Variants in MCF2 observed in about 807,000 individuals in gnomAD.
MCF2 encodes the protein MCF.2 cell line derived transforming sequence, also known as proto-oncogene DBL.
In MCF2, 44 loss-of-function variants were observed where a neutral mutation model predicts 82.5. The ratio of observed to expected loss-of-function variants is 0.53; its 90% CI spans 0.42 to 0.69. The LOEUF (loss-of-function observed/expected upper bound fraction) is 0.69, where lower values mean the gene tolerates loss of function less well. MCF2 is among the 30% of genes least tolerant of loss of function. The pLI, the probability that MCF2 is intolerant of heterozygous loss-of-function variation, is 0.00. For missense variants in MCF2, 623 were observed against 663.1 expected (o/e 0.94, Z 0.66); for synonymous variants, 217 against 224.9 (o/e 0.96, Z 0.32).
intron 1 of MCF2, among the ~76,000 whole-genome samples, chrX:139,637,586 C>T (rs1016650399): frequency 1.8e-5 from 2 of 111,109 alleles, no homozygotes; most frequent in African/African-American, 6.5e-5. Context: ...GAGAGTTGGA[C>T]AGGGGTGGAA....
At position 139,690,338 on chromosome X, in the gene MCF2, G is replaced by T. The variant is rs868297816; in HGVS notation, c.-45+17768C>A. Among the ~76,000 whole-genome samples the T allele has an allele frequency of 2.1e-4, 16 of 75,730 alleles. No individual in the cohort carries two copies. In the East Asian group the frequency reaches 2.4e-3, roughly 11 times the overall value. The allele number at this position is 75,730 out of a possible 115,157, so 65.8% of individuals were successfully genotyped here. A position where few individuals can be genotyped will look rare whatever the true frequency, so the allele number is the denominator to read the frequency against. On this transcript the variant is annotated intron_variant, in intron 1 of 27. Coordinates refer to the MCF2 transcript ENST00000414978. ...ATTAAGCATGCATTCCTCCAAAGGA[G>T]TTTTTTTTTTTTTTTTTTTTTTAGC...
intron 1 of MCF2, among the ~76,000 whole-genome samples, chrX:139,673,923 G>A (rs1418183212): frequency 1.8e-5 from 2 of 111,476 alleles, no homozygotes; most frequent in Admixed American, 9.5e-5. Flanking sequence ...GGGTGTTAAA[G>A]TCTCCCATTA....
intron 1 of MCF2, among the ~76,000 whole-genome samples, chrX:139,657,975 GAA>G (rs923276141): frequency 8.1e-5 from 9 of 111,380 alleles, no homozygotes; most frequent in African/African-American, 2.9e-4. Flanking sequence ...CTGTGGTAAA[GAA>G]AAGAGAGGAA....
At chrX:139,661,069 G>A (rs1323633119) in intron 1 of MCF2, among the ~76,000 whole-genome samples, 1 of 111,918 alleles carries the variant, frequency 8.9e-6, no homozygotes, top group African/African-American at 3.2e-5. Context: ...TGAGAGAAAA[G>A]GGAAGGTTTA....
intron 2 of MCF2, among the ~76,000 whole-genome samples, chrX:139,651,483 T>A (rs1450634163): frequency 9.0e-6 from 1 of 111,469 alleles, no homozygotes; most frequent in Admixed American, 9.6e-5. Flanking sequence ...ATAAGAGTGG[T>A]AAGGTCGGTT....
At chrX:139,587,813 A>G in intron 21 of MCF2, 25 bp from the exon 26 acceptor site, 1 of 1,016,598 alleles carries the variant, frequency 9.8e-7, no homozygotes, top group Non-Finnish European at 1.4e-6. Context: ...AAAGCATATT[A>G]TCATTCAGAA....
intron 1 of MCF2, among the ~76,000 whole-genome samples, chrX:139,635,613 T>C (rs1010133035): frequency 3.6e-5 from 4 of 110,647 alleles, no homozygotes; most frequent in Non-Finnish European, 7.6e-5. Flanking sequence ...TCTGAGATTA[T>C]GCCACTGCAC....
In MCF2 at chrX:139,641,389, T is replaced by G. The variant is rs746716142; in HGVS notation, c.51+1079A>C. ...ACATGTATAGAGCCAAAGATATAAT[T>G]TTGTCAAAATAAAGCCAACTATAGT... is the stretch of plus-strand genomic sequence containing the variant. On this transcript the variant is annotated intron_variant, in intron 1 of 24. Transcript: ENST00000370576. 1.1e-4 allele frequency among the ~76,000 whole-genome samples: 12 copies of G among 110,464 alleles called. No individual in the cohort carries two copies. The East Asian group carries it at 2.5e-3, about 23-fold the overall frequency.
chrX:139,669,946 G>A (rs761273675), intron 1 of MCF2, among the ~76,000 whole-genome samples: 1 of 111,823 alleles, frequency 8.9e-6, no homozygotes, highest in East Asian at 2.8e-4. Context: ...TCTTTAGGGA[G>A]TAACAAAATG....
chrX:139,641,561 A>C (rs1260753449), intron 1 of MCF2, among the ~76,000 whole-genome samples: 1 of 111,082 alleles, frequency 9.0e-6, no homozygotes, highest in African/African-American at 3.3e-5. Context: ...TCCTATGGTC[A>C]ATTTTTACCT....
chrX:139,643,707 G>A (rs185107594), upstream of MCF2, among the ~76,000 whole-genome samples: 203 of 110,634 alleles, frequency 1.8e-3, no homozygotes, highest in Non-Finnish European at 2.9e-3. Flanking sequence ...AGAAAGAGGA[G>A]TATCACTCCC....
chrX:139,596,555 A>G, exon 19 of MCF2: 3 of 1,200,907 alleles, frequency 2.5e-6, no homozygotes, highest in Non-Finnish European at 3.4e-6. Flanking sequence ...TTACTTTCCA[A>G]CAGTGTTTAA....
exon 13 of MCF2, chrX:139,605,756 T>C: frequency 1.7e-6 from 2 of 1,199,343 alleles, no homozygotes; most frequent in Non-Finnish European, 2.3e-6. Context: ...TCTCTCAGTC[T>C]GTATCAGTTC....
upstream of MCF2, chrX:139,646,945 A>G (rs1018919446): frequency 1.5e-5 from 11 of 752,748 alleles, no homozygotes; most frequent in Non-Finnish European, 2.1e-5. Flanking sequence ...AAAAATGTAT[A>G]TAACAACGAA....
intron 1 of MCF2, among the ~76,000 whole-genome samples, chrX:139,688,442 G>A (rs1012297961): frequency 1.8e-5 from 2 of 111,577 alleles, no homozygotes; most frequent in East Asian, 5.6e-4. Flanking sequence ...TCACAGTATC[G>A]TGTGGCCTAA....
chrX:139,682,662 G>A, intron 1 of MCF2, among the ~76,000 whole-genome samples: 1 of 111,881 alleles, frequency 8.9e-6, no homozygotes. Context: ...GTCTTGTCCA[G>A]CATGAAAAAG....
At chrX:139,670,024 T>A (rs1934635676) in intron 1 of MCF2, among the ~76,000 whole-genome samples, 1 of 111,854 alleles carries the variant, frequency 8.9e-6, no homozygotes, top group Admixed American at 9.5e-5. Flanking sequence ...TTAATTTAAA[T>A]GGGTAAATTG....
rs1184701770 is a variant in MCF2 at position 139,629,882 on chromosome X, C to T, written c.289-38G>A. The T allele has an allele frequency of 5.3e-6, 6 of 1,136,534 alleles. No homozygotes were observed. The Admixed American group carries it at 9.6e-5, about 18-fold the overall frequency. 93.7% of individuals were successfully genotyped at this position (1,136,534 alleles called of 1,213,427 possible). A position where few individuals can be genotyped will look rare whatever the true frequency, so the allele number is the denominator to read the frequency against. On this transcript the variant is annotated intron_variant, in intron 3 of 24. Coordinates refer to ENST00000370576, the Ensembl canonical transcript of MCF2. ...GGTGATTACTTTAATTATATGGTCACTCTGTGAGCATATCAAAAACTGGAT... is the reference window on the plus strand; with the variant it reads ...GGTGATTACTTTAATTATATGGTCATTCTGTGAGCATATCAAAAACTGGAT...
intron 13 of MCF2, 75 bp from the exon 18 acceptor site, chrX:139,605,059 T>C: frequency 1.6e-5 from 7 of 429,884 alleles, no homozygotes; most frequent in Non-Finnish European, 2.7e-5. Context: ...ATGGTGTAGG[T>C]ACAGCAGAAT....
Sources: allele counts gnomAD v4.1 joint callset (sites outside exome capture counted in the v4.1 genomes callset), GRCh38; gene constraint gnomAD v4.1.1; transcripts MANE v1.5; gene names NCBI Gene and HGNC (gene_info 2026-07-23, HGNC 2026-07-21).